The following ABCB4 variants were observed in gnomAD, a reference collection of about 807,000 sequenced individuals.
The protein encoded by ABCB4 is phosphatidylcholine translocator ABCB4.
ABCB4 carries 76 observed loss-of-function variants against 145.7 expected under a neutral mutation model. That is an observed-to-expected ratio of 0.52 (90% confidence interval 0.43 to 0.63). The LOEUF is 0.63. ABCB4 is among the 30% of genes least tolerant of loss of function. The pLI is 0.00. For missense variants in ABCB4, 1,234 were observed against 1,553.1 expected, an observed-to-expected ratio of 0.79 and a Z score of 3.45; for synonymous variants, 517 against 566.8, an observed-to-expected ratio of 0.91 and a Z score of 1.25.
At chr7:87,398,824 A>C (rs1807644363), downstream of ABCB4, 1 of 618,178 alleles carries the variant, frequency 1.6e-6, no homozygotes, top group Admixed American at 3.3e-5. Context: ...CTGCCATAGA[A>C]GGTAGAAATA....
At chr7:87,422,827 T>C (rs971274185) in intron 17 of ABCB4, among the ~76,000 whole-genome samples, 1 of 152,154 alleles carries the variant, frequency 6.6e-6, no homozygotes, top group African/African-American at 2.4e-5. Flanking sequence ...ATGTTACATG[T>C]TTGTGGGGTT....
chr7:87,461,406 T>C (rs1187982546), intron 4 of ABCB4, among the ~76,000 whole-genome samples: 1 of 152,208 alleles, frequency 6.6e-6, no homozygotes, highest in African/African-American at 2.4e-5. Flanking sequence ...TATATGATAA[T>C]AAGCATGGTT....
At chr7:87,395,915 GA>G in the ABCB4 span, among the ~76,000 whole-genome samples, 1 of 152,168 alleles carries the variant, frequency 6.6e-6, no homozygotes, top group Non-Finnish European at 1.5e-5. Context: ...CCCAATGGAA[GA>G]GAACATCATG....
At chr7:87,385,373 G>A in the ABCB4 span, among the ~76,000 whole-genome samples, 1 of 151,902 alleles carries the variant, frequency 6.6e-6, no homozygotes, top group East Asian at 1.9e-4. Flanking sequence ...TTTCATCAGT[G>A]TCTTATAGTC....
chr7:87,461,820 C>G (rs1812479195), intron 4 of ABCB4, among the ~76,000 whole-genome samples: 1 of 152,132 alleles, frequency 6.6e-6, no homozygotes, highest in Admixed American at 6.5e-5. Context: ...CACGTAAGGC[C>G]TACAATAGTA....
chr7:87,417,566 G>A, intron 20 of ABCB4, 51 bp from the exon 21 acceptor site: 1 of 1,474,576 alleles, frequency 6.8e-7, no homozygotes. Flanking sequence ...CCAAATGCAT[G>A]CGCTCCAGCC....
intron 21 of ABCB4, 83 bp downstream of exon 21, chr7:87,417,229 C>G (rs1809038960): frequency 7.9e-7 from 1 of 1,272,730 alleles, no homozygotes; most frequent in African/African-American, 1.5e-5. Context: ...ATTATTAAAG[C>G]CTGCATATCA....
chr7:87,410,372 T>C (rs1024286049), intron 23 of ABCB4, among the ~76,000 whole-genome samples: 24 of 152,290 alleles, frequency 1.6e-4, no homozygotes, highest in African/African-American at 5.3e-4. Flanking sequence ...ATGAGAGGTA[T>C]AGTAAAACTT....
intron 3 of ABCB4, among the ~76,000 whole-genome samples, chr7:87,469,278 G>GC (rs1813182489): frequency 6.6e-6 from 1 of 152,122 alleles, no homozygotes; most frequent in Non-Finnish European, 1.5e-5. Flanking sequence ...TACTGAATGG[G>GC]AAAAACTGGA....
chr7:87,465,710 G>A (rs1333901695), intron 3 of ABCB4, among the ~76,000 whole-genome samples: 1 of 152,180 alleles, frequency 6.6e-6, no homozygotes, highest in East Asian at 1.9e-4. Context: ...AACTTCCAGA[G>A]GAACAATCAG....
At chr7:87,381,859 A>C in the ABCB4 span, 1 of 1,276,670 alleles carries the variant, frequency 7.8e-7, no homozygotes. Flanking sequence ...TATTGGGTCA[A>C]GTTTTAAGTT....
intron 4 of ABCB4, among the ~76,000 whole-genome samples, chr7:87,455,927 GC>G (rs1178145834): frequency 1.2e-4 from 18 of 152,176 alleles, no homozygotes; most frequent in Admixed American, 1.2e-3. Context: ...GGCCCCAACT[GC>G]AGCATCATCT....
the ABCB4 span, chr7:87,377,513 A>G: frequency 1.0e-6 from 1 of 953,278 alleles, no homozygotes; most frequent in Non-Finnish European, 1.7e-6. Context: ...ACAATAAACC[A>G]TAAATACTTG....
chr7:87,445,471 G>T (rs890961325), intron 9 of ABCB4, among the ~76,000 whole-genome samples: 1 of 152,162 alleles, frequency 6.6e-6, no homozygotes, highest in African/African-American at 2.4e-5. Flanking sequence ...GCACTGGTTA[G>T]CAATTCCTTT....
chr7:87,385,218 T>C, the ABCB4 span, among the ~76,000 whole-genome samples: 2 of 152,030 alleles, frequency 1.3e-5, no homozygotes, highest in African/African-American at 4.8e-5. Context: ...TTTTTTTTCC[T>C]ATTTTTGTGA....
the ABCB4 span, among the ~76,000 whole-genome samples, chr7:87,396,205 G>A: frequency 6.6e-6 from 1 of 152,162 alleles, no homozygotes; most frequent in South Asian, 2.1e-4. Flanking sequence ...AAGGTGGGAA[G>A]ATTGCTTGAG....
At chr7:87,451,302 T>C (rs1811711402) in intron 7 of ABCB4, among the ~76,000 whole-genome samples, 1 of 151,926 alleles carries the variant, frequency 6.6e-6, no homozygotes, top group South Asian at 2.1e-4. Flanking sequence ...GCAAGGCTAG[T>C]TTTTCATATT....
rs138551260 is a variant in ABCB4, at chr7:87,406,959, T to A, written c.3280-465A>T. On this transcript the variant is annotated intron_variant, in intron 25 of 27. Coordinates refer to ENST00000649586, the MANE Select transcript of ABCB4 (RefSeq NM_000443.4). Reference sequence around the variant, plus strand: ...TCTGGTCCTACCTCTACCTCTCTTTTCCCTGAAAACTACTAGCCTTAACTT... The same window carrying A: ...TCTGGTCCTACCTCTACCTCTCTTTACCCTGAAAACTACTAGCCTTAACTT... Among the ~76,000 whole-genome samples the A allele has an allele frequency of 6.6e-3, 1,007 of 152,276 alleles. 7 individuals are homozygous for A. Among genetic ancestry groups the A allele is most frequent in the Non-Finnish European group, 0.011 (738 of 68,028 alleles).
chr7:87,474,901 G>A (rs1228014360), intron 2 of ABCB4, among the ~76,000 whole-genome samples: 1 of 152,182 alleles, frequency 6.6e-6, no homozygotes. Flanking sequence ...GATGAGAGGA[G>A]GGGGAGGGGT....
Sources: gnomAD v4.1 joint callset for allele counts (sites outside exome capture counted in the v4.1 genomes callset) on GRCh38, gnomAD v4.1.1 for gene constraint, MANE v1.5 for transcripts, NCBI Gene and HGNC (gene_info 2026-07-23, HGNC 2026-07-21) for gene names.